NTRK2: variants seen among roughly 807,000 people sequenced by gnomAD.
NTRK2 encodes neurotrophic receptor tyrosine kinase 2, also known as BDNF/NT-3 growth factors receptor.
In NTRK2, 13 loss-of-function variants were observed where a neutral mutation model predicts 94.5. The ratio of observed to expected loss-of-function variants is 0.14; its 90% CI spans 0.09 to 0.22. NTRK2 has a LOEUF of 0.22. Ranked by LOEUF, NTRK2 falls within the 10% of genes least tolerant of loss-of-function variation. NTRK2 has a pLI of 1.00. For missense variants in NTRK2, 639 were observed against 1,071.2 expected (o/e 0.60, Z 5.63); for synonymous variants, 372 against 407.4 (o/e 0.91, Z 1.05).
At chr9:84,877,105 C>T (rs1481581453) in intron 14 of NTRK2, 1 of 1,064,940 alleles carries the variant, frequency 9.4e-7, no homozygotes, top group Middle Eastern at 4.2e-4. Flanking sequence ...GAATCAATCA[C>T]ACTTTCCTTC....
At chr9:84,757,381 C>T (rs1283285055) in intron 12 of NTRK2, among the ~76,000 whole-genome samples, 1 of 152,144 alleles carries the variant, frequency 6.6e-6, no homozygotes, top group Non-Finnish European at 1.5e-5. Context: ...TTTTTGATTC[C>T]ATAAGGAAAT....
intron 17 of NTRK2, among the ~76,000 whole-genome samples, chr9:85,001,837 C>G (rs1470685311): frequency 1.3e-5 from 2 of 152,230 alleles, no homozygotes; most frequent in African/African-American, 4.8e-5. Flanking sequence ...TTCTCTAGAA[C>G]AGGTAGTAAA....
chr9:84,882,369 G>T (rs2076279637), intron 14 of NTRK2, among the ~76,000 whole-genome samples: 1 of 152,204 alleles, frequency 6.6e-6, no homozygotes, highest in African/African-American at 2.4e-5. Context: ...TTGACAACAA[G>T]GGAGAGTATG....
chr9:84,971,093 G>C (rs1484755830), intron 17 of NTRK2, among the ~76,000 whole-genome samples: 1 of 152,164 alleles, frequency 6.6e-6, no homozygotes, highest in African/African-American at 2.4e-5. Flanking sequence ...ATTTAAAACA[G>C]TTTCCATTTA....
At position 84,755,525 on chromosome 9, in the gene NTRK2, C is replaced by CTTTTT. The variant is rs745611460; in HGVS notation, c.1396+3464_1396+3468dup. On this transcript the variant is annotated intron_variant, in intron 12 of 18. Transcript: ENST00000277120. ...TTCTAAAAGAGACAAAGTCCCACCTCTTTTTTTTTTTTTTTTTTTTTTTTT... is the reference window on the plus strand; with the variant it reads ...TTCTAAAAGAGACAAAGTCCCACCTCTTTTTTTTTTTTTTTTTTTTTTTTTTTTTT... 1.1e-3 allele frequency among the ~76,000 whole-genome samples: 65 copies of CTTTTT among 60,656 alleles called. 3 individuals carry two copies. Among genetic ancestry groups the CTTTTT allele is most frequent in the East Asian group, 8.9e-3 (18 of 2,028 alleles). 39.8% of individuals were successfully genotyped at this position (60,656 alleles called of 152,430 possible).
rs373406586 is a variant in NTRK2 at position 85,023,914 on chromosome 9, G to A, written c.*2477G>A. ...AATTTAAGGGATCAAATTCAAGGAG[G>A]AATGTGCAATTTTAGAGCAAAGATT... On this transcript the variant is annotated 3_prime_UTR_variant, in exon 19 of 19. Transcript: ENST00000277120. 4.4e-6 allele frequency: 1 copy of A among 229,852 alleles called. No individual in the cohort carries two copies. The highest frequency in any genetic ancestry group is 8.6e-6 in the Non-Finnish European group (1 of 116,106). The allele number at this position is 229,852 out of a possible 1,614,324, so 14.2% of individuals were successfully genotyped here. A position where few individuals can be genotyped will look rare whatever the true frequency, so the allele number is the denominator to read the frequency against.
chr9:84,962,293 T>A (rs1825036033), intron 17 of NTRK2, among the ~76,000 whole-genome samples: 1 of 152,238 alleles, frequency 6.6e-6, no homozygotes, highest in African/African-American at 2.4e-5. Flanking sequence ...CTTGTAATCA[T>A]AAGGTAAGCA....
chr9:84,755,827 T>C (rs141835454), intron 12 of NTRK2, among the ~76,000 whole-genome samples: 2 of 152,270 alleles, frequency 1.3e-5, no homozygotes, highest in African/African-American at 2.4e-5. Context: ...GAATTTATGT[T>C]TTATTCTTGC....
At chr9:84,785,092 G>T (rs989954922) in intron 12 of NTRK2, among the ~76,000 whole-genome samples, 1 of 152,144 alleles carries the variant, frequency 6.6e-6, no homozygotes, top group Non-Finnish European at 1.5e-5. Context: ...CATTTCACTA[G>T]AGAAAGCACC....
At chr9:84,815,667 A>G (rs1437802140) in intron 12 of NTRK2, 3 of 1,001,790 alleles carry the variant, frequency 3.0e-6, no homozygotes, top group Non-Finnish European at 2.4e-6. Flanking sequence ...GCTGAATTCA[A>G]TCATTTTTAA....
chr9:84,688,383 G>A (rs1055750985), intron 2 of NTRK2, among the ~76,000 whole-genome samples: 1 of 152,196 alleles, frequency 6.6e-6, no homozygotes, highest in Non-Finnish European at 1.5e-5. Context: ...CAGGGCATAT[G>A]TCCTGGGAGT....
rs118143006 is a variant in NTRK2 at position 84,976,084 on chromosome 9, A to G, written c.2172+20567A>G. Among the ~76,000 whole-genome samples, 526 of 152,324 alleles carry G rather than the reference A, an allele frequency of 3.5e-3. 1 individual carries two copies. The highest frequency in any genetic ancestry group is 5.7e-3 in the Admixed American group (88 of 15,308). On this transcript the variant is annotated intron_variant, in intron 17 of 18. Transcript: ENST00000277120. ...TCTGTCCTCAAAACAGTGGGAAGCC[A>G]GGGGTCAAGGGGACAGTCCAAATGT...
chr9:84,705,280 C>T (rs909293951), intron 4 of NTRK2, among the ~76,000 whole-genome samples: 9 of 152,146 alleles, frequency 5.9e-5, no homozygotes, highest in African/African-American at 2.2e-4. Context: ...TTCTTGATGC[C>T]TTTAATTCCT....
In NTRK2 at chr9:84,891,262, C is replaced by T. The variant is rs533877303; in HGVS notation, c.1633+23831C>T. ...TTTTTAAAAAAAGTGCCAGGCCTTC[C>T]GAAAGCTTAGGTTCTAGAATGAGCA... is the stretch of plus-strand genomic sequence containing the variant. On this transcript the variant is annotated intron_variant, in intron 14 of 18. Transcript: ENST00000277120. Among the ~76,000 whole-genome samples the T allele has an allele frequency of 6.6e-5, 9 of 136,236 alleles. No individual in the cohort carries two copies. The South Asian group carries it at 8.7e-4, about 13-fold the overall frequency. 89.4% of individuals were successfully genotyped at this position (136,236 alleles called of 152,430 possible).
At position 84,926,106 on chromosome 9, in the gene NTRK2, TTTCCTTCCTTCC is replaced by T. The variant is rs1197073231; in HGVS notation, c.1634-8001_1634-7990del. Reference sequence around the variant, plus strand: ...TTCCCTTCCTTCCTTCCTTCCTTCCTTTCCTTCCTTCCTTCCTTCCTTCCTTCCTTCCTTCCT... The same window carrying T: ...TTCCCTTCCTTCCTTCCTTCCTTCCTTTCCTTCCTTCCTTCCTTCCTTCCT... On this transcript the variant is annotated intron_variant, in intron 14 of 18. Coordinates refer to ENST00000277120, the MANE Select transcript of NTRK2 (RefSeq NM_006180.6). 4.1e-3 allele frequency among the ~76,000 whole-genome samples: 448 copies of T among 108,656 alleles called. 14 individuals are homozygous for T. The highest frequency in any genetic ancestry group is 7.2e-3 in the African/African-American group (183 of 25,538). The allele number at this position is 108,656 out of a possible 152,430, so 71.3% of individuals were successfully genotyped here.
At chr9:84,821,320 T>TACACAC (rs879336780) in intron 12 of NTRK2, among the ~76,000 whole-genome samples, 2 of 79,022 alleles carry the variant, frequency 2.5e-5, no homozygotes, top group Admixed American at 1.3e-4. Flanking sequence ...CACAAGAATT[T>TACACAC]ACACACACAC....
rs541203430 is a variant in NTRK2, at chr9:84,856,160, A to G, written c.1397-4880A>G. Among the ~76,000 whole-genome samples, 3 of 152,296 alleles carry G rather than the reference A, an allele frequency of 2.0e-5. No homozygotes were observed. In the South Asian group the frequency reaches 6.2e-4, roughly 32 times the overall value. On this transcript the variant is annotated intron_variant, in intron 12 of 18. Transcript: ENST00000277120. Reference sequence around the variant, plus strand: ...TTAGAGACCAGTGGAAATACCTCACATTGTAAGTTTGATGAAGGACAAGGG... The same window carrying G: ...TTAGAGACCAGTGGAAATACCTCACGTTGTAAGTTTGATGAAGGACAAGGG...
At chr9:84,844,866 A>T (rs2074385813) in intron 12 of NTRK2, among the ~76,000 whole-genome samples, 1 of 151,914 alleles carries the variant, frequency 6.6e-6, no homozygotes, top group African/African-American at 2.4e-5. Flanking sequence ...TAACCAAAAA[A>T]CACCTGTACT....
chr9:84,982,508 G>GCTA (rs1827754776), intron 17 of NTRK2, among the ~76,000 whole-genome samples: 1 of 152,182 alleles, frequency 6.6e-6, no homozygotes, highest in Non-Finnish European at 1.5e-5. Context: ...CCATGTGGTA[G>GCTA]CTAAGTGCCT....
Sources: gnomAD v4.1 joint callset for allele counts (sites outside exome capture counted in the v4.1 genomes callset) on GRCh38, gnomAD v4.1.1 for gene constraint, MANE v1.5 for transcripts, NCBI Gene and HGNC (gene_info 2026-07-23, HGNC 2026-07-21) for gene names.